The following SLC2A14 variants were observed in gnomAD, a reference collection of about 807,000 sequenced individuals.
SLC2A14 encodes solute carrier family 2 member 14, also known as solute carrier family 2, facilitated glucose transporter member 14.
SLC2A14 carries 13 observed loss-of-function variants against 43.0 expected under a neutral mutation model. The observed-to-expected ratio is 0.30, with a 90% CI of 0.20 to 0.48. The LOEUF (loss-of-function observed/expected upper bound fraction) is 0.48, where lower values mean the gene tolerates loss of function less well. Ranked by LOEUF, SLC2A14 falls within the 20% of genes least tolerant of loss-of-function variation. The pLI is 0.99. For synonymous variants in SLC2A14, 190 were observed against 233.8 expected (o/e 0.81, Z 1.71); for missense variants, 428 against 620.4 (o/e 0.69, Z 3.29).
Position 7,842,640 on chromosome 12 carries a change from AC to A in SLC2A14, c.19-9827del, listed in dbSNP as rs754158178. ...AGTGGGACACAATCACCAGGCTACCACCCCCCTCCCCCCACTCACAGGAAAA... is the reference window on the plus strand; with the variant it reads ...AGTGGGACACAATCACCAGGCTACCACCCCCTCCCCCCACTCACAGGAAAA... On this transcript the variant is annotated intron_variant, in intron 2 of 10. Coordinates refer to ENST00000431042, the MANE Select transcript of SLC2A14 (RefSeq NM_001286234.2). 4.8e-4 allele frequency among the ~76,000 whole-genome samples: 70 copies of A among 147,268 alleles called. 1 individual carries two copies. The highest frequency in any genetic ancestry group is 7.5e-5 in the Non-Finnish European group (5 of 66,918).
At chr12:7,837,637 T>TGAAAAAAA (rs1865563672) in intron 2 of SLC2A14, among the ~76,000 whole-genome samples, 1 of 1,688 alleles carries the variant, frequency 5.9e-4, no homozygotes, top group African/African-American at 1.6e-3. Context: ...AAACTTCGTC[T>TGAAAAAAA]CAAAAAAAAA....
chr12:7,831,389 C>T, intron 4 of SLC2A14: 1 of 612,078 alleles, frequency 1.6e-6, no homozygotes, highest in South Asian at 2.3e-5. Flanking sequence ...ATCACTCACA[C>T]AGTTCATCTC....
upstream of SLC2A14, among the ~76,000 whole-genome samples, chr12:7,874,559 C>T (rs1945377704): frequency 6.6e-6 from 1 of 151,424 alleles, no homozygotes; most frequent in Non-Finnish European, 1.5e-5. Context: ...GTAATCCCAG[C>T]TACTCCGGAG....
intron 1 of SLC2A14, chr12:7,871,947 G>C: frequency 1.0e-6 from 1 of 979,832 alleles, no homozygotes; most frequent in Non-Finnish European, 1.2e-6. Context: ...TCCAATAGAG[G>C]GCTGAGCATG....
chr12:7,840,815 C>T (rs976284667), intron 2 of SLC2A14, among the ~76,000 whole-genome samples: 2 of 151,586 alleles, frequency 1.3e-5, no homozygotes, highest in South Asian at 2.1e-4. Context: ...ACGTTGAGCA[C>T]AAAAGAAAAA....
At chr12:7,815,577 T>G (rs1033362724) in intron 10 of SLC2A14, among the ~76,000 whole-genome samples, 1 of 152,164 alleles carries the variant, frequency 6.6e-6, no homozygotes, top group African/African-American at 2.4e-5. Context: ...CCAGTTTTGT[T>G]TTGTTTTGTT....
At chr12:7,883,932 T>TTTC (rs1565590890) in intron 1 of SLC2A14, among the ~76,000 whole-genome samples, 7 of 88,310 alleles carry the variant, frequency 7.9e-5, no homozygotes, top group South Asian at 4.4e-4. Context: ...TTCTTTCTTT[T>TTTC]TTTTTGTTTG....
intron 2 of SLC2A14, among the ~76,000 whole-genome samples, chr12:7,847,205 T>G (rs894164900): frequency 6.6e-6 from 1 of 151,880 alleles, no homozygotes; most frequent in African/African-American, 2.4e-5. Context: ...TGACCCAAGA[T>G]TGTGCCATTG....
chr12:7,829,141 G>A (rs773701573), intron 5 of SLC2A14, among the ~76,000 whole-genome samples: 1 of 152,068 alleles, frequency 6.6e-6, no homozygotes, highest in Non-Finnish European at 1.5e-5. Flanking sequence ...GAACCCAGGA[G>A]GCGGAGGTTG....
chr12:7,884,379 TATA>T (rs768951980), intron 1 of SLC2A14, among the ~76,000 whole-genome samples: 1 of 152,116 alleles, frequency 6.6e-6, no homozygotes, highest in Non-Finnish European at 1.5e-5. Context: ...ATATTTTAAG[TATA>T]ATATTTATTT....
intron 10 of SLC2A14, among the ~76,000 whole-genome samples, chr12:7,815,390 T>C (rs1863347722): frequency 6.6e-6 from 1 of 152,072 alleles, no homozygotes; most frequent in Admixed American, 6.6e-5. Context: ...CATTCCACCG[T>C]GGGCAACAAA....
At chr12:7,837,792 C>G (rs1240777773) in intron 2 of SLC2A14, among the ~76,000 whole-genome samples, 1 of 151,414 alleles carries the variant, frequency 6.6e-6, no homozygotes, top group African/African-American at 2.4e-5. Flanking sequence ...GAGTCTCACT[C>G]TGTTGTCCAG....
At chr12:7,829,610 TCTCTA>T (rs765868368) in intron 5 of SLC2A14, among the ~76,000 whole-genome samples, 151 bp downstream of exon 5, 1 of 152,148 alleles carries the variant, frequency 6.6e-6, no homozygotes, top group African/African-American at 2.4e-5. Flanking sequence ...TCTTTTCCTT[TCTCTA>T]CTCAACCTGC....
At chr12:7,832,891 A>T in intron 2 of SLC2A14, 77 bp from the exon 3 acceptor site, 1 of 1,419,132 alleles carries the variant, frequency 7.0e-7, no homozygotes, top group Non-Finnish European at 9.9e-7. Flanking sequence ...TTAATTATGG[A>T]GCTGTATTAG....
intron 2 of SLC2A14, among the ~76,000 whole-genome samples, chr12:7,848,243 G>A (rs1452227235): frequency 6.6e-6 from 1 of 152,022 alleles, no homozygotes; most frequent in Non-Finnish European, 1.5e-5. Flanking sequence ...TTTCTTGCCT[G>A]TCATCTTCTG....
chr12:7,867,131 TA>T (rs1316630847), intron 2 of SLC2A14, among the ~76,000 whole-genome samples: 1 of 151,770 alleles, frequency 6.6e-6, no homozygotes, highest in Non-Finnish European at 1.5e-5. Flanking sequence ...CACAAAAAAT[TA>T]GCCGGGCGTG....
chr12:7,864,530 G>A (rs1565569623), intron 2 of SLC2A14, among the ~76,000 whole-genome samples: 2 of 152,028 alleles, frequency 1.3e-5, no homozygotes, highest in Non-Finnish European at 2.9e-5. Flanking sequence ...AGTAGAGACG[G>A]GGTTTCACCA....
intron 6 of SLC2A14, among the ~76,000 whole-genome samples, chr12:7,828,406 G>A (rs2120758023): frequency 6.6e-6 from 1 of 151,490 alleles, no homozygotes; most frequent in African/African-American, 2.4e-5. Flanking sequence ...GCGTGGTGTG[G>A]TGGTGGTGGC....
intron 1 of SLC2A14, among the ~76,000 whole-genome samples, chr12:7,889,648 G>C (rs1448950231): frequency 6.6e-6 from 1 of 151,040 alleles, no homozygotes; most frequent in Non-Finnish European, 1.5e-5. Flanking sequence ...CGATTCTCCT[G>C]CTTCAGCCTC....
Sources: gnomAD v4.1 joint callset for allele counts (sites outside exome capture counted in the v4.1 genomes callset) on GRCh38, gnomAD v4.1.1 for gene constraint, MANE v1.5 for transcripts, NCBI Gene and HGNC (gene_info 2026-07-23, HGNC 2026-07-21) for gene names.